PTPRM: variants seen among roughly 807,000 people sequenced by gnomAD.
PTPRM encodes the protein protein tyrosine phosphatase receptor type M.
In PTPRM, 47 loss-of-function variants were observed where a neutral mutation model predicts 186.7. That is an observed-to-expected ratio of 0.25 (90% CI 0.20 to 0.32). PTPRM has a LOEUF of 0.32. Ranked by LOEUF, PTPRM falls within the 10% of genes least tolerant of loss-of-function variation. The pLI is 1.00. For missense variants in PTPRM, 1,494 were observed against 1,865.0 expected, an observed-to-expected ratio of 0.80 and a Z score of 3.66; for synonymous variants, 668 against 674.9, an observed-to-expected ratio of 0.99 and a Z score of 0.16.
chr18:8,314,803 G>T lies in PTPRM; in HGVS notation c.2865G>T (p.Leu955=). ...IIAYDHSRVR[L]QTIEGDTNSD... is the part of the protein sequence containing the mutation. ...CAGACGATCATTCCCGAGTGAGGCT[G>T]CAGACAATAGAAGGAGACACAAACT... Residue 955 remains leucine, a synonymous_variant, in exon 21 of 33, where the codon CTG becomes CTT. Coordinates refer to ENST00000580170, the MANE Select transcript of PTPRM (RefSeq NM_001105244.2). The T allele has an allele frequency of 6.2e-7, 1 of 1,611,998 alleles. No homozygotes were observed. The highest frequency in any genetic ancestry group is 8.5e-7 in the Non-Finnish European group (1 of 1,178,578).
intron 14 of PTPRM, among the ~76,000 whole-genome samples, chr18:8,196,111 T>A (rs1650533270): frequency 6.6e-6 from 1 of 152,186 alleles, no homozygotes; most frequent in Non-Finnish European, 1.5e-5. Context: ...CAATGAGCCA[T>A]CCCCTAGAGT....
At chr18:8,112,663 C>A (rs1288485878) in intron 11 of PTPRM, among the ~76,000 whole-genome samples, 2 of 152,160 alleles carry the variant, frequency 1.3e-5, no homozygotes, top group Non-Finnish European at 2.9e-5. Flanking sequence ...TAAATAAATA[C>A]CTTAATTTTC....
At chr18:8,394,164 A>G (rs2095833686) in intron 31 of PTPRM, among the ~76,000 whole-genome samples, 1 of 152,186 alleles carries the variant, frequency 6.6e-6, no homozygotes, top group Admixed American at 6.5e-5. Context: ...TTTTCCTGGC[A>G]GAACCTAAAT....
intron 4 of PTPRM, among the ~76,000 whole-genome samples, chr18:7,914,394 T>C (rs1475358770): frequency 6.6e-6 from 1 of 152,152 alleles, no homozygotes; most frequent in East Asian, 1.9e-4. Flanking sequence ...TTCTTACCTT[T>C]CAAGGAAAAC....
chr18:8,137,792 C>T (rs922545926), intron 13 of PTPRM, among the ~76,000 whole-genome samples: 32 of 152,042 alleles, frequency 2.1e-4, no homozygotes, highest in South Asian at 2.1e-4. Flanking sequence ...GAAGCCTTCC[C>T]GGTCCTTCCA....
intron 2 of PTPRM, among the ~76,000 whole-genome samples, chr18:7,831,360 CTGAGT>C (rs1182112222): frequency 6.6e-6 from 1 of 151,650 alleles, no homozygotes; most frequent in African/African-American, 2.4e-5. Flanking sequence ...GAAAGCCTTC[CTGAGT>C]TATTTTTTTA....
chr18:8,276,554 G>A (rs1230702129), intron 19 of PTPRM, among the ~76,000 whole-genome samples: 1 of 152,146 alleles, frequency 6.6e-6, no homozygotes, highest in Admixed American at 6.5e-5. Context: ...TGTGGGCTGG[G>A]CACTGAGCTA....
chr18:8,028,685 A>AT (rs1442820319), intron 7 of PTPRM, among the ~76,000 whole-genome samples: 1 of 152,200 alleles, frequency 6.6e-6, no homozygotes, highest in Admixed American at 6.5e-5. Flanking sequence ...AATACTTACT[A>AT]TATCAGACAC....
At chr18:8,075,625 G>T (rs2089762512) in intron 8 of PTPRM, among the ~76,000 whole-genome samples, 1 of 151,954 alleles carries the variant, frequency 6.6e-6, no homozygotes. Context: ...CTTCACTTTT[G>T]TTAGTTTTTT....
intron 7 of PTPRM, among the ~76,000 whole-genome samples, chr18:8,023,499 G>A (rs2085354656): frequency 6.6e-6 from 1 of 152,110 alleles, no homozygotes; most frequent in Non-Finnish European, 1.5e-5. Context: ...GTGTAAGTTT[G>A]CATTCATAAC....
chr18:7,837,871 C>T (rs953635788), intron 2 of PTPRM, among the ~76,000 whole-genome samples: 2 of 152,132 alleles, frequency 1.3e-5, no homozygotes, highest in African/African-American at 4.8e-5. Context: ...TCATCTGTAT[C>T]CGGGCATGGA....
chr18:8,123,165 A>G (rs1319646462), intron 13 of PTPRM, among the ~76,000 whole-genome samples: 10 of 152,222 alleles, frequency 6.6e-5, no homozygotes, highest in Admixed American at 6.5e-4. Context: ...CAGCAAAGGC[A>G]AGTCATTGTC....
intron 14 of PTPRM, among the ~76,000 whole-genome samples, chr18:8,228,733 G>T (rs1464203585): frequency 1.3e-5 from 2 of 151,302 alleles, no homozygotes; most frequent in Non-Finnish European, 2.9e-5. Context: ...TACGCCTGTA[G>T]TCCCAGCTAC....
intron 22 of PTPRM, among the ~76,000 whole-genome samples, chr18:8,339,523 A>G (rs2095461631): frequency 1.3e-5 from 2 of 152,186 alleles, no homozygotes; most frequent in South Asian, 4.1e-4. Flanking sequence ...GAGGCTTTTC[A>G]GAGCTCCTTG....
chr18:8,112,388 C>T (rs1000116830), intron 11 of PTPRM, among the ~76,000 whole-genome samples: 1 of 152,154 alleles, frequency 6.6e-6, no homozygotes, highest in African/African-American at 2.4e-5. Context: ...AGGCATTCCC[C>T]CCATGGGTGG....
At chr18:7,719,576 A>G (rs1168173943) in intron 1 of PTPRM, among the ~76,000 whole-genome samples, 3 of 152,240 alleles carry the variant, frequency 2.0e-5, no homozygotes, top group Admixed American at 2.0e-4. Context: ...CACACTTAAT[A>G]AAATAGTAAT....
chr18:8,286,478 C>T (rs1285508818), intron 19 of PTPRM, among the ~76,000 whole-genome samples: 1 of 152,226 alleles, frequency 6.6e-6, no homozygotes, highest in Non-Finnish European at 1.5e-5. Flanking sequence ...ATTGTTTTCA[C>T]TTATTTAGAA....
At position 7,567,510 on chromosome 18, in the gene PTPRM, G is replaced by T. The variant is rs2036454275; in HGVS notation, c.-309G>T. The T allele has an allele frequency of 3.7e-6, 1 of 270,354 alleles. No homozygotes were observed. Among genetic ancestry groups the T allele is most frequent in the African/African-American group, 2.2e-5 (1 of 44,910 alleles). The allele number at this position is 270,354 out of a possible 1,614,324, so 16.7% of individuals were successfully genotyped here. ...TCCCGGGCAGGGGAAGGGGAGAGGC[G>T]GCGAGCTCAGCAACCGGAACCGAGG... On this transcript the variant is annotated 5_prime_UTR_variant, in exon 1 of 33. Transcript: ENST00000580170. The surrounding 1 kb of genome is among the most constrained non-coding windows in gnomAD (Gnocchi z 4.3).
At chr18:7,644,087 T>G (rs2038506420) in intron 1 of PTPRM, among the ~76,000 whole-genome samples, 1 of 152,222 alleles carries the variant, frequency 6.6e-6, no homozygotes, top group East Asian at 1.9e-4. Flanking sequence ...TCTTAAAAGG[T>G]CCAATGAATT....
Sources: allele counts gnomAD v4.1 joint callset (sites outside exome capture counted in the v4.1 genomes callset), GRCh38; gene constraint gnomAD v4.1.1; non-coding constraint Gnocchi (gnomAD v3.1); transcripts MANE v1.5; gene names NCBI Gene and HGNC (gene_info 2026-07-23, HGNC 2026-07-21).